The following WARS2 variants were observed in gnomAD, a reference collection of about 807,000 sequenced individuals.
WARS2 encodes the protein tryptophan--tRNA ligase, mitochondrial.
WARS2 carries 28 observed loss-of-function variants against 36.5 expected under a neutral mutation model. The observed-to-expected ratio is 0.77, with a 90% confidence interval of 0.57 to 1.05. The LOEUF is 1.05. Among genes scored for constraint, WARS2 ranks in the 50% least tolerant of loss-of-function variants. The probability of loss-of-function intolerance (pLI) is 0.00; values close to 1 mark genes in which losing one functional copy is unlikely to be tolerated. For synonymous variants in WARS2, 174 were observed against 178.4 expected, an observed-to-expected ratio of 0.98 and a Z score of 0.20; for missense variants, 435 against 456.8, an observed-to-expected ratio of 0.95 and a Z score of 0.44.
chr1:119,059,991 A>G (rs902296580), intron 2 of WARS2, among the ~76,000 whole-genome samples: 12 of 152,306 alleles, frequency 7.9e-5, no homozygotes, highest in Admixed American at 5.9e-4. Context: ...TGGATACTAG[A>G]CTTAATACCT....
At chr1:119,085,388 T>C in intron 1 of WARS2, 2 of 1,397,866 alleles carry the variant, frequency 1.4e-6, no homozygotes, top group African/African-American at 1.4e-5. Flanking sequence ...CTTCCTTTAC[T>C]GTCTTGCTTC....
At chr1:119,070,605 AG>A (rs35824237) in intron 2 of WARS2, among the ~76,000 whole-genome samples, 151,976 of 151,976 alleles carry the variant, frequency 1, 75,988 homozygotes, top group Non-Finnish European at 1. Context: ...GGCCAGGCAC[AG>A]GTGGCTCACA....
intron 1 of WARS2, among the ~76,000 whole-genome samples, chr1:119,104,397 A>G (rs1654091421): frequency 6.6e-6 from 1 of 151,146 alleles, no homozygotes; most frequent in Non-Finnish European, 1.5e-5. Context: ...TAAATATAGA[A>G]AAGTCAAACA....
intron 1 of WARS2, among the ~76,000 whole-genome samples, chr1:119,117,150 G>A (rs587667090): frequency 6.6e-6 from 1 of 152,248 alleles, no homozygotes; most frequent in South Asian, 2.1e-4. Context: ...GCATGTCACT[G>A]CCAGCTTTCC....
At chr1:119,127,286 C>G in intron 1 of WARS2, 1 of 711,358 alleles carries the variant, frequency 1.4e-6, no homozygotes, top group Non-Finnish European at 2.5e-6. Context: ...TCTTGCCAAC[C>G]TCCATGGTGC....
chr1:119,050,642 G>A (rs1009757331), intron 2 of WARS2, among the ~76,000 whole-genome samples: 3 of 151,890 alleles, frequency 2.0e-5, no homozygotes, highest in African/African-American at 7.3e-5. Context: ...AAGTGAGGTA[G>A]ATTTAAATGA....
At chr1:119,111,653 G>C (rs1654643748) in intron 1 of WARS2, among the ~76,000 whole-genome samples, 1 of 152,150 alleles carries the variant, frequency 6.6e-6, no homozygotes, top group Non-Finnish European at 1.5e-5. Flanking sequence ...TCACAAAAAT[G>C]TAGGCTTCCC....
intron 1 of WARS2, among the ~76,000 whole-genome samples, chr1:119,087,950 T>C (rs763731255): frequency 2.6e-5 from 4 of 152,148 alleles, no homozygotes; most frequent in Admixed American, 1.3e-4. Context: ...TTGTTAAAAA[T>C]GCAGTCTTGG....
At chr1:119,139,484 A>G (rs1656778150) in intron 1 of WARS2, among the ~76,000 whole-genome samples, 1 of 152,238 alleles carries the variant, frequency 6.6e-6, no homozygotes. Flanking sequence ...CGTGTCAATC[A>G]GTCCAGCTCT....
At chr1:119,078,177 T>TA (rs1356931389) in intron 1 of WARS2, among the ~76,000 whole-genome samples, 1 of 152,228 alleles carries the variant, frequency 6.6e-6, no homozygotes, top group Non-Finnish European at 1.5e-5. Context: ...CTCTCTCTAC[T>TA]AGCTACTATG....
At chr1:119,134,232 G>T (rs1051347491) in intron 1 of WARS2, among the ~76,000 whole-genome samples, 1 of 130,386 alleles carries the variant, frequency 7.7e-6, no homozygotes, top group Non-Finnish European at 1.6e-5. Context: ...CACAAAGAAT[G>T]CAAAAGATGT....
Position 119,032,713 on chromosome 1 carries a change from C to A in WARS2, c.*198G>T. On this transcript the variant is annotated 3_prime_UTR_variant, in exon 6 of 6. Transcript: ENST00000235521. ...TGATTTATTTTTTGTTGTTGTTGTTCACAGCATTTTGTTGATGGGATTTGG... is the reference window on the plus strand; with the variant it reads ...TGATTTATTTTTTGTTGTTGTTGTTAACAGCATTTTGTTGATGGGATTTGG... The A allele has an allele frequency of 3.4e-6, 2 of 587,156 alleles. No individual in the cohort carries two copies. The highest frequency in any genetic ancestry group is 2.4e-5 in the South Asian group (1 of 41,798). 36.4% of individuals were successfully genotyped at this position (587,156 alleles called of 1,614,324 possible). A position where few individuals can be genotyped will look rare whatever the true frequency, so the allele number is the denominator to read the frequency against.
chr1:119,043,759 A>G (rs1167615704), intron 3 of WARS2, among the ~76,000 whole-genome samples: 1 of 152,230 alleles, frequency 6.6e-6, no homozygotes, highest in Non-Finnish European at 1.5e-5. Flanking sequence ...GTATTAGCAT[A>G]ATGGACCTTG....
intron 2 of WARS2, chr1:119,064,692 C>T (rs996556115): frequency 6.8e-5 from 11 of 162,254 alleles, no homozygotes; most frequent in Non-Finnish European, 1.0e-4. Flanking sequence ...TTTCTCTTGC[C>T]GCTGGTGTGT....
chr1:119,058,303 ATTTCTTTTTTTTTTTTTTTATAC>A (rs1317587998), intron 2 of WARS2, among the ~76,000 whole-genome samples: 1 of 58,842 alleles, frequency 1.7e-5, no homozygotes, highest in Non-Finnish European at 3.1e-5. Context: ...TTGATTCCCT[ATTTCTTTTTTTTTTTTTTTATAC>A]TTTAAGTTTT....
intron 1 of WARS2, among the ~76,000 whole-genome samples, chr1:119,138,638 G>A (rs1210646962): frequency 6.6e-6 from 1 of 151,818 alleles, no homozygotes; most frequent in Non-Finnish European, 1.5e-5. Context: ...ACATAACATC[G>A]TAATAACACT....
chr1:119,045,492 G>A, intron 3 of WARS2, 90 bp downstream of exon 3: 1 of 1,094,718 alleles, frequency 9.1e-7, no homozygotes, highest in Non-Finnish European at 1.4e-6. Flanking sequence ...TGGCAGACCA[G>A]GGAGGAGAGT....
chr1:119,085,006 G>A (rs1652517073), intron 1 of WARS2: 4 of 612,816 alleles, frequency 6.5e-6, no homozygotes, highest in South Asian at 1.9e-5. Context: ...CTTCAGTGAC[G>A]CCTACAGTCA....
chr1:119,107,923 T>C (rs1654359290), intron 1 of WARS2, among the ~76,000 whole-genome samples: 1 of 152,104 alleles, frequency 6.6e-6, no homozygotes, highest in Non-Finnish European at 1.5e-5. Context: ...TTTTTTCATC[T>C]ACTGATATGA....
Sources: allele counts gnomAD v4.1 joint callset (sites outside exome capture counted in the v4.1 genomes callset), GRCh38; gene constraint gnomAD v4.1.1; transcripts MANE v1.5; gene names NCBI Gene and HGNC (gene_info 2026-07-23, HGNC 2026-07-21).